Variants in NALF1 observed in about 807,000 individuals in gnomAD.
The protein encoded by NALF1 is family with sequence similarity 155 member A.
NALF1 carries 3 observed loss-of-function variants against 48.4 expected under a neutral mutation model. That is an observed-to-expected ratio of 0.06 (90% confidence interval 0.03 to 0.16). The LOEUF is 0.16. Among genes scored for constraint, NALF1 ranks in the 10% least tolerant of loss-of-function variants. The pLI is 1.00. For synonymous variants in NALF1, 262 were observed against 245.7 expected (o/e 1.07, Z -0.62); for missense variants, 526 against 571.5 (o/e 0.92, Z 0.81).
At chr13:107,307,042 T>G (rs1881950750) in intron 1 of NALF1, among the ~76,000 whole-genome samples, 1 of 152,226 alleles carries the variant, frequency 6.6e-6, no homozygotes, top group African/African-American at 2.4e-5. Context: ...CCTGACTTTA[T>G]ATGTTTCTTT....
chr13:107,337,271 T>C lies in NALF1; in HGVS notation c.916-126516A>G, dbSNP rs979116893. Among the ~76,000 whole-genome samples the C allele has an allele frequency of 4.9e-4, 74 of 152,156 alleles. 3 individuals carry two copies. ...AAAATGCATAATTCTGTTATTTCTT[T>C]AAATACAAAGTTAGATTACTTTGCA... On this transcript the variant is annotated intron_variant, in intron 1 of 2. Transcript: ENST00000375915.
intron 1 of NALF1, among the ~76,000 whole-genome samples, chr13:107,376,080 G>C (rs541462616): frequency 1.3e-5 from 2 of 152,158 alleles, no homozygotes; most frequent in Non-Finnish European, 2.9e-5. Context: ...TTGGAAGCCA[G>C]ACCTCATCAT....
chr13:107,706,305 A>C (rs1327749628), intron 1 of NALF1, among the ~76,000 whole-genome samples: 4 of 152,192 alleles, frequency 2.6e-5, no homozygotes, highest in Non-Finnish European at 5.9e-5. Flanking sequence ...GGACCCTATA[A>C]ATTTCATCTT....
At chr13:107,845,534 C>G (rs1286561821) in intron 1 of NALF1, among the ~76,000 whole-genome samples, 4 of 152,204 alleles carry the variant, frequency 2.6e-5, no homozygotes, top group Non-Finnish European at 5.9e-5. Flanking sequence ...GAATCTGAAA[C>G]ATTATCCCCA....
At chr13:107,298,351 CAAAAAA>C (rs1192707023) in intron 1 of NALF1, among the ~76,000 whole-genome samples, 4 of 16,620 alleles carry the variant, frequency 2.4e-4, no homozygotes, top group East Asian at 3.5e-3. Context: ...GACTCCATCT[CAAAAAA>C]AAAAAAAAAA....
Position 107,818,826 on chromosome 13 carries a change from C to G in NALF1, c.915+46856G>C, listed in dbSNP as rs530317376. The stretch of plus-strand genomic sequence containing the variant: ...GGCGGAGCTTGCAGTGAGCCGAGAT[C>G]GCGCCACTGCACTCCAGCCTGGGCG... On this transcript the variant is annotated intron_variant, in intron 1 of 2. Transcript: ENST00000375915. 7.1e-4 allele frequency among the ~76,000 whole-genome samples: 91 copies of G among 129,064 alleles called. 2 individuals are homozygous for G. In the South Asian group the frequency reaches 0.012, roughly 17 times the overall value. 84.7% of individuals were successfully genotyped at this position (129,064 alleles called of 152,430 possible). A position where few individuals can be genotyped will look rare whatever the true frequency, so the allele number is the denominator to read the frequency against.
intron 1 of NALF1, among the ~76,000 whole-genome samples, chr13:107,458,650 C>G (rs1383344297): frequency 6.6e-6 from 1 of 152,088 alleles, no homozygotes; most frequent in Non-Finnish European, 1.5e-5. Flanking sequence ...TTCACCACCA[C>G]TGGGAAAATC....
chr13:107,465,645 T>A (rs972774675), intron 1 of NALF1, among the ~76,000 whole-genome samples: 5 of 152,216 alleles, frequency 3.3e-5, no homozygotes, highest in Non-Finnish European at 7.3e-5. Context: ...AATGATGCTA[T>A]GGCTGTTGAT....
intron 1 of NALF1, among the ~76,000 whole-genome samples, chr13:107,296,554 A>T (rs972159155): frequency 6.6e-6 from 1 of 152,192 alleles, no homozygotes; most frequent in African/African-American, 2.4e-5. Flanking sequence ...AAAATATTTT[A>T]TTCAAGCTCT....
At chr13:107,546,740 T>C (rs1363533261) in intron 1 of NALF1, among the ~76,000 whole-genome samples, 4 of 152,194 alleles carry the variant, frequency 2.6e-5, no homozygotes, top group Non-Finnish European at 5.9e-5. Flanking sequence ...TAAAATTACC[T>C]TTTAGGAAAT....
intron 1 of NALF1, among the ~76,000 whole-genome samples, chr13:107,803,098 T>A (rs1047436102): frequency 6.6e-6 from 1 of 152,150 alleles, no homozygotes; most frequent in African/African-American, 2.4e-5. Flanking sequence ...CTAAGCACTT[T>A]CTAAATTCTA....
chr13:107,831,148 T>C (rs1417929663), intron 1 of NALF1, among the ~76,000 whole-genome samples: 2 of 152,154 alleles, frequency 1.3e-5, no homozygotes, highest in Non-Finnish European at 2.9e-5. Context: ...AATAAGAAAT[T>C]TTCATTATCC....
chr13:107,825,483 G>C (rs1879488205), intron 1 of NALF1, among the ~76,000 whole-genome samples: 1 of 152,092 alleles, frequency 6.6e-6, no homozygotes, highest in Non-Finnish European at 1.5e-5. Flanking sequence ...CTGATCTCTT[G>C]TCTCAATCCA....
chr13:107,199,835 T>C (rs950960788), intron 2 of NALF1, among the ~76,000 whole-genome samples: 1 of 152,168 alleles, frequency 6.6e-6, no homozygotes, highest in African/African-American at 2.4e-5. Context: ...CATCCAACCA[T>C]CAGCCCCCTT....
At chr13:107,191,056 A>G (rs1448111382) in intron 2 of NALF1, among the ~76,000 whole-genome samples, 1 of 152,202 alleles carries the variant, frequency 6.6e-6, no homozygotes, top group East Asian at 1.9e-4. Flanking sequence ...TGTCTCAGGT[A>G]GTATATTGTT....
intron 1 of NALF1, among the ~76,000 whole-genome samples, chr13:107,527,458 G>A (rs1277061269): frequency 2.6e-5 from 4 of 151,576 alleles, no homozygotes; most frequent in African/African-American, 4.9e-5. Context: ...TTTTAATTAC[G>A]CATATGCATG....
At chr13:107,831,186 T>C (rs1248977842) in intron 1 of NALF1, among the ~76,000 whole-genome samples, 1 of 152,194 alleles carries the variant, frequency 6.6e-6, no homozygotes, top group Admixed American at 6.5e-5. Context: ...CCAAGATAGT[T>C]CATCCAGACC....
chr13:107,625,600 G>C (rs989531156), intron 1 of NALF1, among the ~76,000 whole-genome samples: 3 of 152,034 alleles, frequency 2.0e-5, no homozygotes, highest in Non-Finnish European at 4.4e-5. Context: ...TGAAAAATAA[G>C]TTATAAGGTC....
chr13:107,568,856 A>T (rs980998668), intron 1 of NALF1, among the ~76,000 whole-genome samples: 1 of 152,182 alleles, frequency 6.6e-6, no homozygotes, highest in Non-Finnish European at 1.5e-5. Flanking sequence ...TCAGATATGC[A>T]ATTTGTAAAT....
Sources: allele counts gnomAD v4.1 joint callset (sites outside exome capture counted in the v4.1 genomes callset), GRCh38; gene constraint gnomAD v4.1.1; transcripts MANE v1.5; gene names NCBI Gene and HGNC (gene_info 2026-07-23, HGNC 2026-07-21).